The following CNTN5 variants were observed in gnomAD, a reference collection of about 807,000 sequenced individuals.
The protein encoded by CNTN5 is contactin-5.
In CNTN5, 77 loss-of-function variants were observed where a neutral mutation model predicts 129.1. That is an observed-to-expected ratio of 0.60 (90% confidence interval 0.50 to 0.72). CNTN5 has a LOEUF of 0.72. CNTN5 is among the 30% of genes least tolerant of loss of function. The pLI is 0.00. For synonymous variants in CNTN5, 509 were observed against 465.6 expected, an observed-to-expected ratio of 1.09 and a Z score of -1.20; for missense variants, 1,478 against 1,328.8, an observed-to-expected ratio of 1.11 and a Z score of -1.75.
At chr11:99,374,190 A>G (rs896824925) in intron 2 of CNTN5, among the ~76,000 whole-genome samples, 2 of 152,226 alleles carry the variant, frequency 1.3e-5, no homozygotes, top group Non-Finnish European at 2.9e-5. Context: ...CAGAGGTCCA[A>G]TTTCAGAGTT....
intron 16 of CNTN5, among the ~76,000 whole-genome samples, chr11:100,235,447 C>T (rs1015989310): frequency 4.0e-4 from 61 of 152,016 alleles, no homozygotes; most frequent in Admixed American, 7.9e-4. Context: ...AGGCAGAGGG[C>T]GAGGAGTATG....
intron 1 of CNTN5, among the ~76,000 whole-genome samples, chr11:99,234,874 T>C (rs2135739558): frequency 6.6e-6 from 1 of 152,172 alleles, no homozygotes; most frequent in South Asian, 2.1e-4. Flanking sequence ...ATAAAAACAG[T>C]TGTGAAAAAC....
intron 10 of CNTN5, among the ~76,000 whole-genome samples, chr11:100,063,912 C>A (rs891879361): frequency 6.6e-6 from 1 of 151,846 alleles, no homozygotes; most frequent in African/African-American, 2.4e-5. Flanking sequence ...AAAAGTATGT[C>A]GGTTATCATG....
chr11:99,234,987 G>T (rs1861192204), intron 1 of CNTN5, among the ~76,000 whole-genome samples: 1 of 151,750 alleles, frequency 6.6e-6, no homozygotes, highest in African/African-American at 2.4e-5. Context: ...AGGATGAAAT[G>T]GCTAATGACT....
At chr11:99,027,338 A>G (rs1863151987) in intron 1 of CNTN5, among the ~76,000 whole-genome samples, 1 of 151,596 alleles carries the variant, frequency 6.6e-6, no homozygotes, top group South Asian at 2.1e-4. Context: ...AGATGAGAGT[A>G]TATTTCTGTG....
At chr11:99,958,708 T>G (rs868428199) in intron 8 of CNTN5, among the ~76,000 whole-genome samples, 3 of 152,218 alleles carry the variant, frequency 2.0e-5, no homozygotes, top group Middle Eastern at 3.2e-3. Flanking sequence ...TTTGAATTAA[T>G]TCTCTATAAG....
chr11:99,599,591 A>G (rs960870262), intron 3 of CNTN5, among the ~76,000 whole-genome samples: 1 of 152,162 alleles, frequency 6.6e-6, no homozygotes, highest in African/African-American at 2.4e-5. Context: ...AGTTATACTA[A>G]TTATATGTAA....
Position 100,074,152 on chromosome 11 carries a change from C to A in CNTN5, c.1438C>A (p.Pro480Thr). ...ATTTGCTTTTTTAATAGCTTCAGCT[C>A]CCACTTTTGCACTGAATCAACTGAA... ...SAELKILASA[P>T]TFALNQLKKT... Residue 480 changes from proline (P) to threonine (T), a missense_variant, in exon 13 of 25, where the codon CCC (proline) becomes ACC (threonine). Pro to Thr is a conservative substitution (Grantham distance 38, BLOSUM62 -1). Coordinates refer to ENST00000524871, the MANE Select transcript of CNTN5 (RefSeq NM_014361.4). The A allele has an allele frequency of 2.5e-6, 4 of 1,610,908 alleles. No homozygotes were observed. The highest frequency in any genetic ancestry group is 3.4e-6 in the Non-Finnish European group (4 of 1,178,774).
Position 99,359,980 on chromosome 11 carries a change from C to T in CNTN5, c.-71+34496C>T, listed in dbSNP as rs117428958. Among the ~76,000 whole-genome samples the T allele has an allele frequency of 7.2e-3, 1,103 of 152,186 alleles. 66 individuals carry two copies. The East Asian group carries it at 0.13, about 17-fold the overall frequency. On this transcript the variant is annotated intron_variant, in intron 2 of 24. Transcript: ENST00000524871. ...CATTTGCCCTGATGTGATTATTATG[C>T]CTTGTATGCCTGTGTCAAAATATCT...
chr11:99,395,281 C>G (rs1022297309), intron 2 of CNTN5, among the ~76,000 whole-genome samples: 1 of 151,940 alleles, frequency 6.6e-6, no homozygotes, highest in African/African-American at 2.4e-5. Context: ...TTGCATTTCT[C>G]TAATGATCGG....
intron 1 of CNTN5, among the ~76,000 whole-genome samples, chr11:99,255,943 T>C (rs537668212): frequency 1.3e-5 from 2 of 152,122 alleles, no homozygotes; most frequent in South Asian, 4.1e-4. Flanking sequence ...AGGAATTTAA[T>C]AGTGACACCC....
intron 2 of CNTN5, among the ~76,000 whole-genome samples, chr11:99,497,635 C>T (rs972607930): frequency 1.3e-5 from 2 of 152,092 alleles, no homozygotes; most frequent in Non-Finnish European, 2.9e-5. Context: ...ACATGTAGCT[C>T]AACTCAATAT....
intron 6 of CNTN5, among the ~76,000 whole-genome samples, chr11:99,896,089 C>T (rs547224028): frequency 1.1e-4 from 17 of 152,238 alleles, no homozygotes; most frequent in South Asian, 2.1e-4. Context: ...CCTTCACTAT[C>T]ACTGCTGCCT....
intron 2 of CNTN5, among the ~76,000 whole-genome samples, chr11:99,403,143 A>G (rs1941905651): frequency 6.8e-6 from 1 of 147,212 alleles, no homozygotes; most frequent in Non-Finnish European, 1.5e-5. Context: ...AGTAGCTGGG[A>G]CTACAGGCGC....
At chr11:99,410,289 T>C (rs1942333115) in intron 2 of CNTN5, among the ~76,000 whole-genome samples, 1 of 152,162 alleles carries the variant, frequency 6.6e-6, no homozygotes, top group Non-Finnish European at 1.5e-5. Context: ...ATTTATAAAA[T>C]TATAAGAAGG....
chr11:99,772,558 C>A (rs1944982542), intron 3 of CNTN5, among the ~76,000 whole-genome samples: 1 of 152,004 alleles, frequency 6.6e-6, no homozygotes, highest in South Asian at 2.1e-4. Context: ...TACTGCAGCT[C>A]ACTTGGTCAA....
intron 3 of CNTN5, among the ~76,000 whole-genome samples, chr11:99,655,155 C>T (rs1215133610): frequency 7.9e-5 from 12 of 151,990 alleles, no homozygotes; most frequent in African/African-American, 2.7e-4. Flanking sequence ...TTAAGTGGTC[C>T]TTAAGTAAAA....
At chr11:100,174,278 A>G (rs1947900649) in intron 13 of CNTN5, among the ~76,000 whole-genome samples, 1 of 152,132 alleles carries the variant, frequency 6.6e-6, no homozygotes, top group South Asian at 2.1e-4. Flanking sequence ...GAAAAAGGAA[A>G]GTAAATTAAA....
intron 1 of CNTN5, among the ~76,000 whole-genome samples, chr11:99,214,410 T>C (rs1565409155): frequency 2.0e-5 from 3 of 148,514 alleles, no homozygotes; most frequent in Non-Finnish European, 4.5e-5. Context: ...AATATATATA[T>C]ATATAATGTT....
Sources: allele counts gnomAD v4.1 joint callset (sites outside exome capture counted in the v4.1 genomes callset), GRCh38; gene constraint gnomAD v4.1.1; transcripts MANE v1.5; gene names NCBI Gene and HGNC (gene_info 2026-07-23, HGNC 2026-07-21).